Variants in WRAP73 observed in about 807,000 individuals in gnomAD.
WRAP73 encodes WD repeat containing, antisense to TP73, also known as WD repeat-containing protein WRAP73.
In WRAP73, 55 loss-of-function variants were observed where a neutral mutation model predicts 59.6. The observed-to-expected ratio is 0.92, with a 90% CI of 0.74 to 1.15. The LOEUF (loss-of-function observed/expected upper bound fraction) is 1.15, where lower values mean the gene tolerates loss of function less well. Among genes scored for constraint, WRAP73 ranks in the 50% most tolerant of loss-of-function variants. The pLI is 0.00. For synonymous variants in WRAP73, 265 were observed against 258.2 expected, an observed-to-expected ratio of 1.03 and a Z score of -0.25; for missense variants, 592 against 608.1, an observed-to-expected ratio of 0.97 and a Z score of 0.28.
At chr1:3,637,444 G>A (rs1243928796) in intron 4 of WRAP73, among the ~76,000 whole-genome samples, 6 of 152,206 alleles carry the variant, frequency 3.9e-5, no homozygotes, top group African/African-American at 1.4e-4. Flanking sequence ...CCATGTCTAA[G>A]CTGCGGGACA....
intron 1 of WRAP73, among the ~76,000 whole-genome samples, chr1:3,649,200 T>C (rs1353131812): frequency 6.6e-6 from 1 of 152,194 alleles, no homozygotes; most frequent in Admixed American, 6.5e-5. Context: ...GTACATACAC[T>C]ATATGTTTTG....
At position 3,646,613 on chromosome 1, in the gene WRAP73, GA is replaced by G; in HGVS notation, c.339+52del. 1 of 1,477,310 alleles carries G rather than the reference GA, an allele frequency of 6.8e-7. No individual in the cohort carries two copies. Among genetic ancestry groups the G allele is most frequent in the Admixed American group, 2.0e-5 (1 of 50,026 alleles). 91.5% of individuals were successfully genotyped at this position (1,477,310 alleles called of 1,614,324 possible). On this transcript the variant is annotated intron_variant, in intron 3 of 11. Transcript: ENST00000270708. The surrounding 1 kb of genome is among the most constrained non-coding windows in gnomAD (Gnocchi z 5.1). ...CTCTCGCACTCCCCAGCTGTTTCGA[GA>G]GCAGAGGACAGGATCACATGGCCAG... is the stretch of plus-strand genomic sequence containing the variant.
At chr1:3,643,391 C>T (rs1391821552) in intron 3 of WRAP73, among the ~76,000 whole-genome samples, 4 of 152,240 alleles carry the variant, frequency 2.6e-5, no homozygotes, top group East Asian at 1.9e-4. Flanking sequence ...TCTGAAAGCG[C>T]GGCAGTGTTC....
Position 3,636,000 on chromosome 1 carries a change from C to G in WRAP73, c.547G>C (p.Gly183Arg). ...HFDTDTQDLT[G>R]IEWAPNGCVL... ...CAGCCGTTTGGGGCCCACTCAATCCCTGTGAGATCCTGGGTGTCCGTATCA... is the reference window on the plus strand; with the variant it reads ...CAGCCGTTTGGGGCCCACTCAATCCGTGTGAGATCCTGGGTGTCCGTATCA... Residue 183 changes from glycine (G) to arginine (R), a missense_variant, in exon 6 of 12, where the codon GGG (glycine) becomes CGG (arginine). By Grantham distance (125) the Gly-to-Arg change is moderately radical. Transcript: ENST00000270708. 1 of 1,614,036 alleles carries G rather than the reference C, an allele frequency of 6.2e-7. No individual in the cohort carries two copies. The highest frequency in any genetic ancestry group is 8.5e-7 in the Non-Finnish European group (1 of 1,180,022).
intron 6 of WRAP73, 147 bp from the exon 7 acceptor site, chr1:3,635,441 A>G: frequency 9.4e-7 from 1 of 1,065,604 alleles, no homozygotes; most frequent in Non-Finnish European, 1.3e-6. Flanking sequence ...TGGAACTGCC[A>G]GCTAGTACTG....
In WRAP73 at chr1:3,631,011, G is replaced by A. The variant is rs140578600; in HGVS notation, c.1347C>T (p.Val449=). ...CLCFLETEAV[V]GTACRQLGGH... ...CGCCCAGCTGTCTGCAGGCTGTGCCGACCACTGCCTCTGTCTCCAGGAAGC... is the reference window on the plus strand; with the variant it reads ...CGCCCAGCTGTCTGCAGGCTGTGCCAACCACTGCCTCTGTCTCCAGGAAGC... The change falls in exon 12 of 12, where the codon GTC becomes GTT. Residue 449 remains valine, a synonymous_variant. Transcript: ENST00000270708. 4.3e-6 allele frequency: 7 copies of A among 1,612,700 alleles called. No homozygotes were observed. Among genetic ancestry groups the A allele is most frequent in the East Asian group, 4.5e-5 (2 of 44,888 alleles).
chr1:3,630,889 G>T lies in WRAP73; in HGVS notation c.*86C>A. ...CAATCACTGAATCCAGACCACCACAGTGGAGAACCTCCTGGTGAAGCTGTG... is the reference window on the plus strand; with the variant it reads ...CAATCACTGAATCCAGACCACCACATTGGAGAACCTCCTGGTGAAGCTGTG... On this transcript the variant is annotated 3_prime_UTR_variant, in exon 12 of 12. Coordinates refer to ENST00000270708, the MANE Select transcript of WRAP73 (RefSeq NM_017818.4). 1 of 1,522,330 alleles carries T rather than the reference G, an allele frequency of 6.6e-7. No individual in the cohort carries two copies. The highest frequency in any genetic ancestry group is 8.9e-7 in the Non-Finnish European group (1 of 1,127,232). The allele number at this position is 1,522,330 out of a possible 1,614,324, so 94.3% of individuals were successfully genotyped here. A position where few individuals can be genotyped will look rare whatever the true frequency, so the allele number is the denominator to read the frequency against.
At chr1:3,648,058 AAAC>A (rs1357379946) in intron 1 of WRAP73, among the ~76,000 whole-genome samples, 1 of 152,252 alleles carries the variant, frequency 6.6e-6, no homozygotes, top group Non-Finnish European at 1.5e-5. Context: ...CTCAGAGCCA[AAAC>A]AACAGAAGAT....
chr1:3,645,664 A>AT (rs895293709), intron 3 of WRAP73, among the ~76,000 whole-genome samples: 20 of 152,328 alleles, frequency 1.3e-4, no homozygotes, highest in African/African-American at 4.6e-4. Context: ...GAATTCGTCC[A>AT]TTTTTCTGTA....
Position 3,630,883 on chromosome 1 carries a change from A to G in WRAP73, c.*92T>C. The G allele has an allele frequency of 1.3e-6, 2 of 1,493,636 alleles. No individual in the cohort carries two copies. 92.5% of individuals were successfully genotyped at this position (1,493,636 alleles called of 1,614,324 possible). A position where few individuals can be genotyped will look rare whatever the true frequency, so the allele number is the denominator to read the frequency against. Reference sequence around the variant, plus strand: ...TAGAATCAATCACTGAATCCAGACCACCACAGTGGAGAACCTCCTGGTGAA... The same window carrying G: ...TAGAATCAATCACTGAATCCAGACCGCCACAGTGGAGAACCTCCTGGTGAA... On this transcript the variant is annotated 3_prime_UTR_variant, in exon 12 of 12. Coordinates refer to ENST00000270708, the MANE Select transcript of WRAP73 (RefSeq NM_017818.4).
rs529025209 is a variant in WRAP73, at chr1:3,646,741, G to A, written c.264C>T (p.Asp88=). The change falls in exon 3 of 12, where the codon GAC becomes GAT. Residue 88 remains aspartate, a synonymous_variant. Coordinates refer to ENST00000270708, the MANE Select transcript of WRAP73 (RefSeq NM_017818.4). This position sits in a 1 kb window ranked among gnomAD's most constrained non-coding sequence, Gnocchi z 5.1. ...AGGCCACCAGCCCGGCTGAGCCCTC[G>A]TCTATTTTGCAGTGCCATTCGGGCT... ...LEQPEWHCKI[D]EGSAGLVASC... is the part of the protein sequence containing the mutation. 22 of 1,611,604 alleles carry A rather than the reference G, an allele frequency of 1.4e-5. No individual in the cohort carries two copies. The highest frequency in any genetic ancestry group is 1.7e-4 in the Middle Eastern group (1 of 6,058).
intron 3 of WRAP73, among the ~76,000 whole-genome samples, chr1:3,640,485 AC>A (rs1557460458): frequency 3.4e-5 from 3 of 88,896 alleles, no homozygotes; most frequent in Non-Finnish European, 6.7e-5. Flanking sequence ...AGGGTGGAAC[AC>A]CCGAGGCTCT....
chr1:3,632,173 C>T (rs567952896), intron 10 of WRAP73, 40 bp downstream of exon 10: 3 of 1,589,484 alleles, frequency 1.9e-6, no homozygotes, highest in East Asian at 2.2e-5. Context: ...CCACAGGACA[C>T]AGTAAAGGGT....
chr1:3,630,976 T>C lies in WRAP73; in HGVS notation c.1382A>G (p.Ter461TrpextTer36). The C allele has an allele frequency of 6.2e-7, 1 of 1,612,688 alleles. No individual in the cohort carries two copies. ...TACRQLGGHT[*>W] ...TCTGCACACGTTAGTGCACCGCTGC[T>C]ACGTGTGGCCGCCCAGCTGTCTGCA... The change falls in exon 12 of 12, where the codon TAG (stop) becomes TGG (tryptophan). Residue 461 changes from the stop codon to tryptophan, a stop_lost. Coordinates refer to ENST00000270708, the MANE Select transcript of WRAP73 (RefSeq NM_017818.4).
At position 3,631,559 on chromosome 1, in the gene WRAP73, G is replaced by A; in HGVS notation, c.1147C>T (p.Pro383Ser). The change falls in exon 11 of 12, where the codon CCG (proline) becomes TCG (serine). Residue 383 changes from proline to serine, a missense_variant. Transcript: ENST00000270708. ...CAGATGGCCAGCCGCGGCTGCTGCG[G>A]GTCCCACTGAAATGCGCGCACTGGG... ...LSPVRAFQWD[P>S]QQPRLAICTG... 4 of 1,611,682 alleles carry A rather than the reference G, an allele frequency of 2.5e-6. No homozygotes were observed. Among genetic ancestry groups the A allele is most frequent in the African/African-American group, 1.3e-5 (1 of 75,054 alleles).
chr1:3,635,859 A>G, intron 6 of WRAP73, 85 bp downstream of exon 6: 1 of 1,184,682 alleles, frequency 8.4e-7, no homozygotes, highest in Non-Finnish European at 1.2e-6. Flanking sequence ...AATAAGATAA[A>G]GCAAACTATA....
rs367738847 is a variant in WRAP73, at chr1:3,633,414, C to T, written c.906G>A (p.Pro302=). Residue 302 remains proline, a synonymous_variant, in exon 9 of 12, where the codon CCG becomes CCA. Coordinates refer to ENST00000270708, the MANE Select transcript of WRAP73 (RefSeq NM_017818.4). ...GCTACTTACATTTACTCTCTGAGCT[C>T]GGGAGAGGGCCGGCCCCGGCCCGGG... ...PPPRAGAGPL[P]SSESKYEIAS... The T allele has an allele frequency of 1.4e-5, 22 of 1,612,476 alleles. No individual in the cohort carries two copies. The highest frequency in any genetic ancestry group is 5.3e-5 in the African/African-American group (4 of 74,886).
intron 8 of WRAP73, chr1:3,634,767 C>T (rs1570295228): frequency 3.5e-6 from 2 of 567,478 alleles, no homozygotes; most frequent in East Asian, 6.2e-5. Flanking sequence ...GTGGCAGCGG[C>T]AGAGGACAGG....
In WRAP73 at chr1:3,635,087, A is replaced by G. The variant is rs200293251; in HGVS notation, c.739-13T>C. ...TAAGGATGCGCACCTGAGGAAGGAAACCATGCACAGGTGAGGCAGGGCCCG... is the reference window on the plus strand; with the variant it reads ...TAAGGATGCGCACCTGAGGAAGGAAGCCATGCACAGGTGAGGCAGGGCCCG... On this transcript the variant is annotated splice_polypyrimidine_tract_variant and intron_variant, in intron 7 of 11. Transcript: ENST00000270708. 6.2e-7 allele frequency: 1 copy of G among 1,614,204 alleles called. No homozygotes were observed. The highest frequency in any genetic ancestry group is 2.2e-5 in the East Asian group (1 of 44,882).
Sources: gnomAD v4.1 joint callset for allele counts (sites outside exome capture counted in the v4.1 genomes callset) on GRCh38, gnomAD v4.1.1 for gene constraint, Gnocchi (gnomAD v3.1) non-coding constraint, MANE v1.5 for transcripts, NCBI Gene and HGNC (gene_info 2026-07-23, HGNC 2026-07-21) for gene names.